The following GALNT11 variants were observed in gnomAD, a reference collection of about 807,000 sequenced individuals.
GALNT11 encodes the protein UDP-GalNAc:polypeptide N-acetylgalactosaminyltransferase 11.
A neutral mutation model predicts 72.7 loss-of-function variants in GALNT11; 47 were observed. The ratio of observed to expected loss-of-function variants is 0.65; its 90% CI spans 0.51 to 0.82. The LOEUF is 0.82. Ranked by LOEUF, GALNT11 falls within the 40% of genes least tolerant of loss-of-function variation. The probability of loss-of-function intolerance (pLI) is 0.00; values close to 1 mark genes in which losing one functional copy is unlikely to be tolerated. For synonymous variants in GALNT11, 270 were observed against 286.6 expected (o/e 0.94, Z 0.58); for missense variants, 677 against 778.4 (o/e 0.87, Z 1.55).
In GALNT11 at chr7:152,108,209, A is replaced by G. The variant is rs201235145; in HGVS notation, c.884A>G (p.Asn295Ser). 241 of 1,614,162 alleles carry G rather than the reference A, an allele frequency of 1.5e-4. 1 individual carries two copies. Among genetic ancestry groups the G allele is most frequent in the Middle Eastern group, 1.5e-3 (9 of 6,060 alleles). ...TCCCCTGTCGTCCGCGGAGGGTTCA[A>G]CTGGGGACTGCACTTCAAATGGGAT... The part of the protein sequence containing the change: ...SSSPVVRGGF[N>S]WGLHFKWDLV... The change falls in exon 6 of 12, where the codon AAC becomes AGC. Residue 295 changes from asparagine (N) to serine (S), a missense_variant. By Grantham distance (46) the Asn-to-Ser change is conservative. Coordinates refer to ENST00000430044, the MANE Select transcript of GALNT11 (RefSeq NM_022087.4).
chr7:152,115,785 G>A lies in GALNT11; in HGVS notation c.1234-1372G>A, dbSNP rs544723755. Among the ~76,000 whole-genome samples the A allele has an allele frequency of 4.2e-4, 64 of 152,316 alleles. 1 individual carries two copies. The highest frequency in any genetic ancestry group is 1.3e-3 in the East Asian group (7 of 5,188). ...TTAAAAATTTTACTTGGCCGGGTGCGGTGGCGCATGCCTGTAATCCCAGCA... is the reference window on the plus strand; with the variant it reads ...TTAAAAATTTTACTTGGCCGGGTGCAGTGGCGCATGCCTGTAATCCCAGCA... On this transcript the variant is annotated intron_variant, in intron 8 of 11. Coordinates refer to ENST00000430044, the MANE Select transcript of GALNT11 (RefSeq NM_022087.4).
intron 5 of GALNT11, chr7:152,107,352 C>T (rs1294159210): frequency 6.6e-6 from 1 of 151,966 alleles, no homozygotes; most frequent in Non-Finnish European, 1.5e-5. Flanking sequence ...AAAGGTGTAT[C>T]CCATTGGCAG....
At chr7:152,071,632 G>A (rs1409783548) in intron 1 of GALNT11, among the ~76,000 whole-genome samples, 1 of 152,188 alleles carries the variant, frequency 6.6e-6, no homozygotes, top group African/African-American at 2.4e-5. Context: ...ACAGGCATAG[G>A]AAATCACAAG....
chr7:152,099,342 T>TTTATTTA, intron 2 of GALNT11, among the ~76,000 whole-genome samples: 1 of 143,638 alleles, frequency 7.0e-6, no homozygotes, highest in African/African-American at 2.6e-5. Context: ...AAAAATGGAC[T>TTTATTTA]TTTATTTATT....
chr7:152,027,941 T>C (rs934818391), intron 1 of GALNT11, among the ~76,000 whole-genome samples: 2 of 151,450 alleles, frequency 1.3e-5, no homozygotes, highest in African/African-American at 4.9e-5. Context: ...GGAGTCAACC[T>C]GCAGACCTTC....
At position 152,071,344 on chromosome 7, in the gene GALNT11, C is replaced by T. The variant is rs951671229; in HGVS notation, c.-38-22846C>T. On this transcript the variant is annotated intron_variant, in intron 1 of 11. Coordinates refer to ENST00000430044, the MANE Select transcript of GALNT11 (RefSeq NM_022087.4). ...ACGTATTCTCTTTCCCAGGGATGTTCCTTGCTGAGAAAAAGAATTCAGCGA... is the reference window on the plus strand; with the variant it reads ...ACGTATTCTCTTTCCCAGGGATGTTTCTTGCTGAGAAAAAGAATTCAGCGA... 2.0e-5 allele frequency among the ~76,000 whole-genome samples: 3 copies of T among 152,128 alleles called. No individual in the cohort carries two copies. In the East Asian group the frequency reaches 5.8e-4, roughly 29 times the overall value.
intron 1 of GALNT11, among the ~76,000 whole-genome samples, chr7:152,036,350 T>G (rs28872201): frequency 3.5e-4 from 53 of 152,250 alleles, no homozygotes; most frequent in African/African-American, 1.2e-3. Context: ...TTTGTCATTC[T>G]GTGTACCTGG....
At chr7:152,081,157 G>C (rs2085302340) in intron 1 of GALNT11, among the ~76,000 whole-genome samples, 1 of 152,182 alleles carries the variant, frequency 6.6e-6, no homozygotes, top group Non-Finnish European at 1.5e-5. Context: ...AAAAATGTTA[G>C]ATTGGTTAGA....
At chr7:152,096,714 CAAAAAA>C (rs768326363) in intron 2 of GALNT11, among the ~76,000 whole-genome samples, 12 of 60,114 alleles carry the variant, frequency 2.0e-4, no homozygotes, top group South Asian at 1.2e-3. Context: ...GACTCTGTCT[CAAAAAA>C]AAAAAAAAAA....
At chr7:152,074,942 T>C (rs2129013783) in intron 1 of GALNT11, 2 of 152,308 alleles carry the variant, frequency 1.3e-5, no homozygotes, top group South Asian at 2.1e-4. Flanking sequence ...AAAGTTTTTT[T>C]CCCCTGGAGC....
At chr7:152,114,100 C>G (rs1425801658) in intron 8 of GALNT11, among the ~76,000 whole-genome samples, 1 of 151,802 alleles carries the variant, frequency 6.6e-6, no homozygotes, top group Non-Finnish European at 1.5e-5. Flanking sequence ...TCGTGGTGAC[C>G]CAATCCCGTT....
At chr7:152,028,041 A>C (rs2082116458) in intron 1 of GALNT11, among the ~76,000 whole-genome samples, 1 of 152,234 alleles carries the variant, frequency 6.6e-6, no homozygotes, top group Non-Finnish European at 1.5e-5. Flanking sequence ...TCAGGAGTGA[A>C]GCCACAGACC....
intron 1 of GALNT11, among the ~76,000 whole-genome samples, chr7:152,071,695 T>C (rs2084659256): frequency 6.6e-6 from 1 of 152,164 alleles, no homozygotes; most frequent in Non-Finnish European, 1.5e-5. Flanking sequence ...AATTTATGTT[T>C]AGAGATTGCA....
At chr7:152,114,289 C>T (rs1224039047) in intron 8 of GALNT11, among the ~76,000 whole-genome samples, 1 of 152,220 alleles carries the variant, frequency 6.6e-6, no homozygotes, top group African/African-American at 2.4e-5. Flanking sequence ...AAGTCTCCCT[C>T]TCTGCCTCAG....
chr7:152,121,466 T>G, intron 11 of GALNT11, 80 bp from the exon 12 acceptor site: 1 of 1,531,082 alleles, frequency 6.5e-7, no homozygotes, highest in Admixed American at 2.0e-5. Context: ...ATCTGAATTC[T>G]TAAGTGCTCC....
chr7:152,117,276 A>T lies in GALNT11; in HGVS notation c.1353A>T (p.Val451=). 6.2e-7 allele frequency: 1 copy of T among 1,614,240 alleles called. No homozygotes were observed. Among genetic ancestry groups the T allele is most frequent in the Non-Finnish European group, 8.5e-7 (1 of 1,180,038 alleles). ...CKSFKWYLDN[V]YPEMQISGSH... is the part of the protein sequence containing the mutation. ...CATTTAAATGGTATTTGGATAATGT[A>T]TACCCAGAGATGCAGATATCTGGGT... The change falls in exon 9 of 12, where the codon GTA becomes GTT. Residue 451 remains valine (V), a synonymous_variant. Transcript: ENST00000430044.
intron 1 of GALNT11, among the ~76,000 whole-genome samples, chr7:152,040,499 A>C (rs1292451426): frequency 6.6e-6 from 1 of 152,224 alleles, no homozygotes; most frequent in South Asian, 2.1e-4. Flanking sequence ...AGTGTCTAGC[A>C]TTAGATATTA....
intron 1 of GALNT11, among the ~76,000 whole-genome samples, chr7:152,071,380 A>G (rs1050869104): frequency 6.6e-6 from 1 of 152,120 alleles, no homozygotes; most frequent in Non-Finnish European, 1.5e-5. Flanking sequence ...TATTTCTCCC[A>G]TTTGCTTTTG....
chr7:152,056,465 G>T (rs2083683790), intron 1 of GALNT11, among the ~76,000 whole-genome samples: 1 of 152,142 alleles, frequency 6.6e-6, no homozygotes, highest in Non-Finnish European at 1.5e-5. Flanking sequence ...TATAGAAAGT[G>T]GACTTGGAGT....
Sources: gnomAD v4.1 joint callset for allele counts (sites outside exome capture counted in the v4.1 genomes callset) on GRCh38, gnomAD v4.1.1 for gene constraint, MANE v1.5 for transcripts, NCBI Gene and HGNC (gene_info 2026-07-23, HGNC 2026-07-21) for gene names.